MBD5: variants seen among roughly 807,000 people sequenced by gnomAD.
MBD5 encodes the protein methyl-CpG binding domain protein 5, also known as methyl-CpG-binding domain protein 5.
Under a neutral mutation model 117.3 loss-of-function variants are expected in MBD5, and 13 were observed. The observed-to-expected ratio is 0.11, with a 90% CI of 0.07 to 0.18. The LOEUF (loss-of-function observed/expected upper bound fraction) is 0.18, where lower values mean the gene tolerates loss of function less well. MBD5 is among the 10% of genes least tolerant of loss of function. The probability of loss-of-function intolerance (pLI) is 1.00; values close to 1 mark genes in which losing one functional copy is unlikely to be tolerated. For synonymous variants in MBD5, 727 were observed against 766.4 expected (o/e 0.95, Z 0.85); for missense variants, 1,879 against 2,093.8 (o/e 0.90, Z 2.00).
intron 2 of MBD5, among the ~76,000 whole-genome samples, chr2:148,190,872 C>A (rs1174576573): frequency 3.2e-5 from 3 of 93,236 alleles, no homozygotes; most frequent in Non-Finnish European, 6.4e-5. Context: ...ATCTCACGTG[C>A]AGAGACACAC....
At chr2:148,045,974 CTTTTTTTTTTTTT>C (rs59672002) in intron 1 of MBD5, among the ~76,000 whole-genome samples, 2 of 77,450 alleles carry the variant, frequency 2.6e-5, no homozygotes, top group African/African-American at 5.4e-5. Flanking sequence ...AATGAAGTGC[CTTTTTTTTTTTTT>C]TTTTTTTTTT....
chr2:148,238,876 C>T lies in MBD5; in HGVS notation c.-680+5481C>T, dbSNP rs767343880. On this transcript the variant is annotated intron_variant, in intron 3 of 13. Transcript: ENST00000642680. ...GATTAGGGCCTACCCTAATTCAGTA[C>T]GACCTCATCTTAATTACATCTATAA... 4.6e-5 allele frequency among the ~76,000 whole-genome samples: 7 copies of T among 152,174 alleles called. No individual in the cohort carries two copies. The East Asian group carries it at 5.8e-4, about 13-fold the overall frequency.
intron 2 of MBD5, among the ~76,000 whole-genome samples, chr2:148,205,909 G>A (rs1011748882): frequency 7.9e-5 from 12 of 152,092 alleles, no homozygotes; most frequent in African/African-American, 2.7e-4. Context: ...GGGAGGCTGA[G>A]GTGGGAGGAT....
intron 2 of MBD5, among the ~76,000 whole-genome samples, chr2:148,195,039 T>C (rs577307217): frequency 1.3e-5 from 2 of 152,188 alleles, no homozygotes; most frequent in Non-Finnish European, 2.9e-5. Context: ...TCAACTCTCT[T>C]ATCAGAGATC....
At chr2:148,250,903 T>A (rs546941815) in intron 3 of MBD5, among the ~76,000 whole-genome samples, 6 of 152,322 alleles carry the variant, frequency 3.9e-5, no homozygotes, top group African/African-American at 1.4e-4. Context: ...ATTTTGCCAC[T>A]TCATCACTTG....
At chr2:148,390,058 A>G (rs1038348811) in intron 4 of MBD5, among the ~76,000 whole-genome samples, 8 of 152,320 alleles carry the variant, frequency 5.3e-5, no homozygotes, top group African/African-American at 1.9e-4. Context: ...TTCAGGTCTT[A>G]CATTTAAGTC....
intron 4 of MBD5, among the ~76,000 whole-genome samples, chr2:148,432,664 A>G (rs1271138897): frequency 6.6e-6 from 1 of 152,040 alleles, no homozygotes; most frequent in African/African-American, 2.4e-5. Context: ...TTTGTTGGAG[A>G]TCAGATGGTT....
At chr2:148,492,608 C>T (rs1487452491) in intron 11 of MBD5, among the ~76,000 whole-genome samples, 2 of 152,010 alleles carry the variant, frequency 1.3e-5, no homozygotes, top group Non-Finnish European at 2.9e-5. Context: ...CCTTTCAGGA[C>T]CTACCACACT....
intron 5 of MBD5, among the ~76,000 whole-genome samples, chr2:148,461,628 T>A (rs1457580438): frequency 6.6e-6 from 1 of 152,190 alleles, no homozygotes; most frequent in Non-Finnish European, 1.5e-5. Flanking sequence ...CTAAAAGATA[T>A]TCTCAAGTGA....
chr2:148,202,825 C>T (rs997731313), intron 2 of MBD5, among the ~76,000 whole-genome samples: 57 of 151,882 alleles, frequency 3.8e-4, no homozygotes, highest in Non-Finnish European at 1.3e-4. Context: ...GTCAGGAGTT[C>T]GAGACCAACC....
chr2:148,395,499 A>G lies in MBD5; in HGVS notation c.-557+53163A>G, dbSNP rs182084472. Among the ~76,000 whole-genome samples the G allele has an allele frequency of 1.4e-3, 205 of 141,658 alleles. 2 individuals are homozygous for G. Among genetic ancestry groups the G allele is most frequent in the African/African-American group, 4.9e-3 (184 of 37,696 alleles). 92.9% of individuals were successfully genotyped at this position (141,658 alleles called of 152,430 possible). A position where few individuals can be genotyped will look rare whatever the true frequency, so the allele number is the denominator to read the frequency against. ...GAGTGCGGTGGCGCAATCTTGGCTC[A>G]CTGCAACCTCTGCCTCCCAGGCTCA... On this transcript the variant is annotated intron_variant, in intron 4 of 13. Coordinates refer to ENST00000642680, the MANE Select transcript of MBD5 (RefSeq NM_001378120.1).
At chr2:148,093,501 C>G (rs1050526914) in intron 1 of MBD5, among the ~76,000 whole-genome samples, 2 of 151,998 alleles carry the variant, frequency 1.3e-5, no homozygotes, top group Non-Finnish European at 2.9e-5. Context: ...TGGTCAAAAG[C>G]AAGTAAAAAT....
At chr2:148,257,815 A>G (rs1021174646) in intron 3 of MBD5, among the ~76,000 whole-genome samples, 2 of 152,146 alleles carry the variant, frequency 1.3e-5, no homozygotes, top group African/African-American at 4.8e-5. Flanking sequence ...CTCTGGAGTG[A>G]TATCGATGGA....
chr2:148,382,763 CCA>C (rs538728714), intron 4 of MBD5, among the ~76,000 whole-genome samples: 3 of 152,200 alleles, frequency 2.0e-5, no homozygotes, highest in Non-Finnish European at 4.4e-5. Flanking sequence ...GTCTCTCAAA[CCA>C]CAGTGCAATC....
chr2:148,463,883 C>T lies in MBD5; in HGVS notation c.361C>T (p.Pro121Ser), dbSNP rs750928640. The T allele has an allele frequency of 1.2e-6, 2 of 1,613,518 alleles. No homozygotes were observed. Among genetic ancestry groups the T allele is most frequent in the African/African-American group, 2.7e-5 (2 of 74,904 alleles). ...TLHKSMEAPH[P>S]SLVLTSPGGG... is the part of the protein sequence containing the mutation. ...TCATAAAAGCATGGAAGCCCCACAT[C>T]CTTCTCTGGTGCTCACCAGTCCCGG... The change falls in exon 7 of 14, where the codon CCT becomes TCT. Residue 121 changes from proline (P) to serine (S), a missense_variant. Around this residue, in one of 4 missense-constraint regions of MBD5, gnomAD observed 1,666 missense variants for 1,792.2 expected, o/e 0.93. Coordinates refer to ENST00000642680, the MANE Select transcript of MBD5 (RefSeq NM_001378120.1).
intron 1 of MBD5, among the ~76,000 whole-genome samples, chr2:148,075,032 G>C (rs1695471258): frequency 6.6e-6 from 1 of 152,134 alleles, no homozygotes; most frequent in South Asian, 2.1e-4. Context: ...ATACGGGATT[G>C]TCAATTGTTA....
chr2:148,092,545 C>G (rs1293029736), intron 1 of MBD5, among the ~76,000 whole-genome samples: 1 of 152,084 alleles, frequency 6.6e-6, no homozygotes. Context: ...GACCGTTATT[C>G]TAAGTGAAGT....
intron 1 of MBD5, among the ~76,000 whole-genome samples, chr2:148,121,996 C>T (rs1443280742): frequency 6.6e-6 from 1 of 152,074 alleles, no homozygotes; most frequent in African/African-American, 2.4e-5. Context: ...TCAGTTTCAA[C>T]ATGTTAATTT....
chr2:148,421,508 AGACAC>A (rs1705605789), intron 4 of MBD5, among the ~76,000 whole-genome samples: 1 of 151,462 alleles, frequency 6.6e-6, no homozygotes, highest in Non-Finnish European at 1.5e-5. Flanking sequence ...CTGTTTGGGC[AGACAC>A]GAAGCTAGCT....
Sources: gnomAD v4.1 joint callset for allele counts (sites outside exome capture counted in the v4.1 genomes callset) on GRCh38, gnomAD v4.1.1 for gene constraint, gnomAD v4.1.1 regional missense constraint, MANE v1.5 for transcripts, NCBI Gene and HGNC (gene_info 2026-07-23, HGNC 2026-07-21) for gene names.